The following AATF variants were observed in gnomAD, a reference collection of about 807,000 sequenced individuals.
AATF encodes the protein protein AATF.
Under a neutral mutation model 63.7 loss-of-function variants are expected in AATF, and 48 were observed. The ratio of observed to expected loss-of-function variants is 0.75; its 90% CI spans 0.60 to 0.96. AATF has a LOEUF of 0.96. Among genes scored for constraint, AATF ranks in the 40% least tolerant of loss-of-function variants. The pLI is 0.00. For missense variants in AATF, 639 were observed against 685.7 expected (o/e 0.93, Z 0.76); for synonymous variants, 258 against 247.7 (o/e 1.04, Z -0.39).
chr17:36,999,547 G>A (rs1183313027), intron 8 of AATF, among the ~76,000 whole-genome samples: 2 of 152,138 alleles, frequency 1.3e-5, no homozygotes, highest in African/African-American at 4.8e-5. Flanking sequence ...AAGTTCTCTT[G>A]GAGCTCTGTT....
At chr17:37,016,838 T>G (rs984959055) in intron 8 of AATF, among the ~76,000 whole-genome samples, 4 of 152,228 alleles carry the variant, frequency 2.6e-5, no homozygotes, top group African/African-American at 9.6e-5. Context: ...TTTTTGTTGT[T>G]GTTGCTTTCT....
intron 4 of AATF, among the ~76,000 whole-genome samples, chr17:36,973,873 C>T (rs546463856): frequency 2.6e-5 from 4 of 152,198 alleles, no homozygotes; most frequent in Non-Finnish European, 5.9e-5. Context: ...GAGTTCAAGA[C>T]CAGCCTGGCC....
chr17:37,025,591 G>GGCA (rs888280571), intron 10 of AATF, among the ~76,000 whole-genome samples: 5 of 152,120 alleles, frequency 3.3e-5, no homozygotes, highest in African/African-American at 9.7e-5. Flanking sequence ...ATCACAAAAG[G>GGCA]GCAGCATCGT....
chr17:37,002,315 T>G (rs902493120), intron 8 of AATF, among the ~76,000 whole-genome samples: 3 of 151,882 alleles, frequency 2.0e-5, no homozygotes, highest in Non-Finnish European at 4.4e-5. Flanking sequence ...AAATCAGTTG[T>G]GTTTCTGTAT....
chr17:37,042,867 G>T (rs7217647), intron 11 of AATF, among the ~76,000 whole-genome samples: 23,051 of 149,004 alleles, frequency 0.15, 1,837 homozygotes, highest in African/African-American at 0.16. Flanking sequence ...TCAGCTTCCC[G>T]AGTAGCTGGA....
intron 4 of AATF, among the ~76,000 whole-genome samples, chr17:36,967,618 G>C (rs2071001092): frequency 6.6e-6 from 1 of 152,158 alleles, no homozygotes; most frequent in Non-Finnish European, 1.5e-5. Flanking sequence ...TCTTGCTTCT[G>C]TGGATCTCCT....
chr17:37,040,655 A>T (rs1195583024), intron 11 of AATF, among the ~76,000 whole-genome samples: 2 of 152,124 alleles, frequency 1.3e-5, no homozygotes, highest in Admixed American at 1.3e-4. Flanking sequence ...ATATTTGGGA[A>T]TCATGTGCCA....
chr17:37,044,346 C>G (rs1731864359), intron 11 of AATF, among the ~76,000 whole-genome samples: 1 of 152,134 alleles, frequency 6.6e-6, no homozygotes, highest in Non-Finnish European at 1.5e-5. Flanking sequence ...TTGTTCTTAG[C>G]TCATGGCAAT....
At chr17:37,021,445 G>A (rs979948929) in intron 10 of AATF, among the ~76,000 whole-genome samples, 10 of 151,908 alleles carry the variant, frequency 6.6e-5, no homozygotes, top group Admixed American at 2.6e-4. Context: ...CCTGGCCAAC[G>A]TGGTGAAACC....
Position 36,964,354 on chromosome 17 carries a change from A to G in AATF, c.832+10447A>G, listed in dbSNP as rs1158762597. 2.0e-5 allele frequency among the ~76,000 whole-genome samples: 3 copies of G among 151,894 alleles called. No homozygotes were observed. In the East Asian group the frequency reaches 5.8e-4, roughly 30 times the overall value. On this transcript the variant is annotated intron_variant, in intron 4 of 11. Transcript: ENST00000619387. ...GTGCACAGGAGTGCCTTAGATAGCA[A>G]TGTGGACCATCTCATGGTGGCGGGT... is the stretch of plus-strand genomic sequence containing the variant.
chr17:36,953,070 CTT>C lies in AATF; in HGVS notation c.470_471del (p.Phe157Ter). ...PGFSVQSISD[F>X]EKFTKGMDDL... ...GCTTCAGTGTCCAGAGTATCAGTGA[CTT>C]TGAGAAATTTACCAAGGGAATGGAT... On this transcript the variant is annotated frameshift_variant, in exon 3 of 12. Coordinates refer to ENST00000619387, the MANE Select transcript of AATF (RefSeq NM_012138.4). LOFTEE classifies it high-confidence loss of function. 1 of 1,614,046 alleles carries C rather than the reference CTT, an allele frequency of 6.2e-7. No individual in the cohort carries two copies. The highest frequency in any genetic ancestry group is 1.1e-5 in the South Asian group (1 of 91,064).
chr17:36,994,715 T>A (rs550008407), intron 8 of AATF, among the ~76,000 whole-genome samples: 5 of 152,354 alleles, frequency 3.3e-5, no homozygotes, highest in African/African-American at 9.6e-5. Flanking sequence ...CTTCATAACA[T>A]TCAGTTCTCT....
At chr17:36,983,027 C>CT (rs887267151) in intron 4 of AATF, among the ~76,000 whole-genome samples, 10 of 151,002 alleles carry the variant, frequency 6.6e-5, no homozygotes, top group Non-Finnish European at 8.9e-5. Flanking sequence ...TTTAGTGTTT[C>CT]TTTTTTTTTA....
intron 11 of AATF, among the ~76,000 whole-genome samples, chr17:37,038,554 TTAGA>T (rs1318516084): frequency 6.6e-6 from 1 of 152,152 alleles, no homozygotes; most frequent in East Asian, 1.9e-4. Flanking sequence ...GGAGAGGATA[TTAGA>T]TAGATTTGAT....
At chr17:37,027,814 A>T (rs770598881) in intron 10 of AATF, among the ~76,000 whole-genome samples, 1 of 152,040 alleles carries the variant, frequency 6.6e-6, no homozygotes, top group Non-Finnish European at 1.5e-5. Context: ...ACGTGTGGCT[A>T]GTAGCTACTG....
intron 4 of AATF, among the ~76,000 whole-genome samples, chr17:36,980,848 A>G (rs2071117601): frequency 1.3e-5 from 2 of 151,804 alleles, no homozygotes; most frequent in Admixed American, 6.6e-5. Flanking sequence ...AAATCTCTTT[A>G]TAGGAAGTTG....
rs2071286470 is a variant in AATF at position 37,000,554 on chromosome 17, G to T, written c.1398+9697G>T. Among the ~76,000 whole-genome samples, 3 of 152,280 alleles carry T rather than the reference G, an allele frequency of 2.0e-5. No individual in the cohort carries two copies. In the South Asian group the frequency reaches 6.2e-4, roughly 32 times the overall value. On this transcript the variant is annotated intron_variant, in intron 8 of 11. Transcript: ENST00000619387. ...GATACTTCTGCCACATTCATGTGGA[G>T]TTGTTGAAGAGTTATATATATATTT...
intron 4 of AATF, among the ~76,000 whole-genome samples, chr17:36,974,779 A>G (rs1041187224): frequency 6.6e-6 from 1 of 152,086 alleles, no homozygotes. Flanking sequence ...GGTCCTTGCT[A>G]TTTCTTTTGT....
chr17:37,002,463 T>A (rs2071306740), intron 8 of AATF, among the ~76,000 whole-genome samples: 1 of 150,696 alleles, frequency 6.6e-6, no homozygotes, highest in South Asian at 2.1e-4. Flanking sequence ...GTCAGGAGAT[T>A]GAGACCATCC....
Sources: gnomAD v4.1 joint callset for allele counts (sites outside exome capture counted in the v4.1 genomes callset) on GRCh38, gnomAD v4.1.1 for gene constraint, MANE v1.5 for transcripts, NCBI Gene and HGNC (gene_info 2026-07-23, HGNC 2026-07-21) for gene names.